R3HDM1: variants seen among roughly 807,000 people sequenced by gnomAD.
R3HDM1 encodes R3H domain-containing protein 1.
A neutral mutation model predicts 141.1 loss-of-function variants in R3HDM1; 46 were observed. That is an observed-to-expected ratio of 0.33 (90% CI 0.26 to 0.42). The LOEUF is 0.42. R3HDM1 is among the 10% of genes least tolerant of loss of function. The pLI is 1.00. For synonymous variants in R3HDM1, 435 were observed against 472.9 expected (o/e 0.92, Z 1.04); for missense variants, 1,184 against 1,368.3 (o/e 0.87, Z 2.12).
At chr2:135,694,024 AT>A (rs1480401566) in intron 21 of R3HDM1, among the ~76,000 whole-genome samples, 1 of 152,158 alleles carries the variant, frequency 6.6e-6, no homozygotes, top group African/African-American at 2.4e-5. Context: ...AAAATAATTA[AT>A]TTAACATGAG....
At chr2:135,541,851 T>TA (rs10558924) in intron 1 of R3HDM1, among the ~76,000 whole-genome samples, 5,025 of 121,844 alleles carry the variant, frequency 0.041, 114 homozygotes, top group Middle Eastern at 0.098. Context: ...TTCAATTTGT[T>TA]AAAAAAAAAA....
intron 3 of R3HDM1, among the ~76,000 whole-genome samples, chr2:135,610,237 A>G (rs1021671455): frequency 6.6e-6 from 1 of 152,204 alleles, no homozygotes; most frequent in Non-Finnish European, 1.5e-5. Flanking sequence ...ATACATGTGT[A>G]TATGCACACA....
In R3HDM1 at chr2:135,715,577, A is replaced by G; in HGVS notation, c.2764A>G (p.Ile922Val). ...QHSPQLSSPI[I>V]SPAQSPAPAQ... The stretch of plus-strand genomic sequence containing the variant: ...CAGCCCTCAACTCAGTAGCCCCATT[A>G]TTTCACCAGCTCAGTCGCCAGCACC... The change falls in exon 24 of 27, where the codon ATT becomes GTT. Residue 922 changes from isoleucine (I) to valine (V), a missense_variant. By Grantham distance (29) the Ile-to-Val change is conservative. This residue lies in a region of R3HDM1 where 563 missense variants were observed against 562.0 expected (regional missense o/e 1.00). Transcript: ENST00000683871. 6.2e-7 allele frequency: 1 copy of G among 1,614,064 alleles called. No individual in the cohort carries two copies. Among genetic ancestry groups the G allele is most frequent in the East Asian group, 2.2e-5 (1 of 44,878 alleles).
At chr2:135,650,337 T>A in intron 17 of R3HDM1, 4 of 985,284 alleles carry the variant, frequency 4.1e-6, no homozygotes, top group Non-Finnish European at 4.8e-6. Context: ...AGCTTTCATC[T>A]GGGTTTAGGC....
chr2:135,565,322 A>AATT (rs72174180), intron 1 of R3HDM1, among the ~76,000 whole-genome samples: 11,896 of 143,044 alleles, frequency 0.083, 734 homozygotes, highest in East Asian at 0.28. Context: ...AATGAAAAAA[A>AATT]ATTATTATTA....
intron 1 of R3HDM1, among the ~76,000 whole-genome samples, chr2:135,538,481 G>A (rs6714849): frequency 0.26 from 39,078 of 152,054 alleles, 8,855 homozygotes; most frequent in African/African-American, 0.6. Flanking sequence ...TTTACTTTAT[G>A]AATTTTAAAA....
intron 11 of R3HDM1, 72 bp downstream of exon 11, chr2:135,636,255 TTTATCTATTGATCACATTTATTTTTAA>T: frequency 4.6e-6 from 7 of 1,512,506 alleles, no homozygotes; most frequent in Non-Finnish European, 5.3e-6. Flanking sequence ...CAGTCTCCCT[TTTATCTATTGATCACATTTATTTTTAA>T]TCACATTTGT....
chr2:135,654,026 G>C (rs548680124), intron 18 of R3HDM1, among the ~76,000 whole-genome samples: 3 of 151,992 alleles, frequency 2.0e-5, no homozygotes, highest in Non-Finnish European at 4.4e-5. Context: ...GTTGCATTTA[G>C]TACATATTCA....
At chr2:135,611,728 A>G (rs951771218) in intron 3 of R3HDM1, among the ~76,000 whole-genome samples, 9 of 152,138 alleles carry the variant, frequency 5.9e-5, no homozygotes, top group Admixed American at 3.9e-4. Context: ...GTATATTTTT[A>G]TAATTATTTC....
intron 21 of R3HDM1, among the ~76,000 whole-genome samples, chr2:135,691,431 T>C (rs1258724115): frequency 6.6e-6 from 1 of 151,092 alleles, no homozygotes; most frequent in East Asian, 2.0e-4. Flanking sequence ...CTGGGCAACA[T>C]AGCAAAACCC....
chr2:135,535,749 A>G (rs1460158222), intron 1 of R3HDM1, among the ~76,000 whole-genome samples: 1 of 152,180 alleles, frequency 6.6e-6, no homozygotes, highest in Admixed American at 6.5e-5. Flanking sequence ...TTATATAATT[A>G]AACACATTTG....
chr2:135,532,732 G>C (rs898234027), intron 1 of R3HDM1, among the ~76,000 whole-genome samples: 14 of 152,134 alleles, frequency 9.2e-5, no homozygotes, highest in African/African-American at 2.9e-4. Flanking sequence ...CTAAGTAATA[G>C]GATACCAGTC....
chr2:135,722,132 G>C, intron 25 of R3HDM1, 126 bp downstream of exon 25: 1 of 890,206 alleles, frequency 1.1e-6, no homozygotes, highest in South Asian at 1.5e-5. Flanking sequence ...CAGCCAGTTG[G>C]TTTACACAGA....
chr2:135,588,831 T>C (rs1708551500), intron 1 of R3HDM1, among the ~76,000 whole-genome samples: 1 of 152,190 alleles, frequency 6.6e-6, no homozygotes, highest in Admixed American at 6.5e-5. Flanking sequence ...GGTAAACTTG[T>C]ATTTAAAACT....
chr2:135,636,249 C>T, intron 11 of R3HDM1, 66 bp downstream of exon 11: 2 of 1,534,774 alleles, frequency 1.3e-6, no homozygotes, highest in East Asian at 4.6e-5. Context: ...GGGTCTCAGT[C>T]TCCCTTTTAT....
At chr2:135,682,558 A>G (rs1446218588) in intron 21 of R3HDM1, among the ~76,000 whole-genome samples, 1 of 152,250 alleles carries the variant, frequency 6.6e-6, no homozygotes, top group African/African-American at 2.4e-5. Flanking sequence ...CACTTTGGAA[A>G]GATCCTTGGT....
chr2:135,597,394 TG>T, intron 1 of R3HDM1: 2 of 592,340 alleles, frequency 3.4e-6, no homozygotes, highest in Non-Finnish European at 4.2e-6. Flanking sequence ...TTTAACATTT[TG>T]AAATGTCAGT....
intron 1 of R3HDM1, among the ~76,000 whole-genome samples, chr2:135,554,268 G>A (rs1700325536): frequency 1.3e-5 from 2 of 152,200 alleles, no homozygotes; most frequent in South Asian, 4.1e-4. Context: ...TAATCATATA[G>A]TATGTGGTCT....
At chr2:135,667,171 T>C (rs1182256261) in intron 19 of R3HDM1, 1 of 978,590 alleles carries the variant, frequency 1.0e-6, no homozygotes, top group African/African-American at 1.8e-5. Context: ...TCAATACTTT[T>C]GTGCTGAGCA....
Sources: allele counts gnomAD v4.1 joint callset (sites outside exome capture counted in the v4.1 genomes callset), GRCh38; gene constraint gnomAD v4.1.1; regional missense constraint gnomAD v4.1.1; transcripts MANE v1.5; gene names NCBI Gene and HGNC (gene_info 2026-07-23, HGNC 2026-07-21).